INSR: variants seen among roughly 807,000 people sequenced by gnomAD.
INSR encodes insulin receptor.
Under a neutral mutation model 142.6 loss-of-function variants are expected in INSR, and 67 were observed. The observed-to-expected ratio is 0.47, with a 90% CI of 0.39 to 0.58. INSR has a LOEUF of 0.58. Ranked by LOEUF, INSR falls within the 20% of genes least tolerant of loss-of-function variation. INSR has a pLI of 0.00. For missense variants in INSR, 1,248 were observed against 1,833.2 expected, an observed-to-expected ratio of 0.68 and a Z score of 5.83; for synonymous variants, 756 against 743.1, an observed-to-expected ratio of 1.02 and a Z score of -0.28.
rs1440978499 is a variant in INSR at position 7,170,539 on chromosome 19, G to A, written c.1481C>T (p.Ser494Phe). 3 of 1,611,066 alleles carry A rather than the reference G, an allele frequency of 1.9e-6. No homozygotes were observed. Among genetic ancestry groups the A allele is most frequent in the Non-Finnish European group, 2.5e-6 (3 of 1,178,532 alleles). Residue 494 changes from serine to phenylalanine, a missense_variant and splice_region_variant, in exon 6 of 22, where the codon TCC becomes TTC. Around this residue, in one of 3 missense-constraint regions of INSR, gnomAD observed 1,069 missense variants for 1,654.0 expected, o/e 0.65. Transcript: ENST00000302850. ...AAGGTTGGGGACCAGTGACTTACAG[G>A]ATGCCTGGTCCCCATTGGTCTTCAG... The part of the protein sequence containing the change: ...IALKTNGDQA[S>F]CENELLKFSY...
chr19:7,214,235 C>T (rs1049358880), intron 2 of INSR, among the ~76,000 whole-genome samples: 1 of 152,218 alleles, frequency 6.6e-6, no homozygotes, highest in Non-Finnish European at 1.5e-5. Flanking sequence ...GCAATGACCT[C>T]TTTCCTCCCT....
At position 7,287,489 on chromosome 19, in the gene INSR, C is replaced by G. The variant is rs545032565; in HGVS notation, c.100+6303G>C. Among the ~76,000 whole-genome samples, 5 of 151,292 alleles carry G rather than the reference C, an allele frequency of 3.3e-5. No homozygotes were observed. The South Asian group carries it at 1.0e-3, about 32-fold the overall frequency. On this transcript the variant is annotated intron_variant, in intron 1 of 21. Transcript: ENST00000302850. ...GAAGTATTCTTAACAGAAATTAACA[C>G]AAGAGAGGCCTGAGAGAAAAAAAAA...
At chr19:7,153,047 A>ACC (rs1465605398) in intron 9 of INSR, 120 bp from the exon 10 acceptor site, 1 of 345,148 alleles carries the variant, frequency 2.9e-6, no homozygotes, top group African/African-American at 6.4e-5. Flanking sequence ...CACACCACAC[A>ACC]CCCCCCCACA....
intron 2 of INSR, among the ~76,000 whole-genome samples, chr19:7,206,745 C>T (rs535716778): frequency 3.0e-4 from 45 of 151,918 alleles, no homozygotes; most frequent in African/African-American, 1.0e-3. Context: ...AGAGTGAGAC[C>T]CTGTCTCAAC....
chr19:7,158,390 A>G (rs1973663760), intron 9 of INSR, among the ~76,000 whole-genome samples: 1 of 152,054 alleles, frequency 6.6e-6, no homozygotes, highest in African/African-American at 2.4e-5. Context: ...AGTCCCAGCT[A>G]CTCGGGAGGC....
chr19:7,219,487 A>AAGGAAGGAGAGAGGGAG (rs1445884167), intron 2 of INSR, among the ~76,000 whole-genome samples: 1 of 118,158 alleles, frequency 8.5e-6, no homozygotes, highest in Non-Finnish European at 1.7e-5. Context: ...GAGGGAGGGA[A>AAGGAAGGAGAGAGGGAG]GGAAGGAAGG....
At chr19:7,266,321 C>T (rs766578537) in intron 2 of INSR, among the ~76,000 whole-genome samples, 3 of 151,882 alleles carry the variant, frequency 2.0e-5, no homozygotes, top group African/African-American at 4.8e-5. Context: ...AAAGAAACAA[C>T]TGCTAGATAA....
intron 2 of INSR, among the ~76,000 whole-genome samples, chr19:7,253,308 G>A (rs993809524): frequency 6.6e-6 from 1 of 151,702 alleles, no homozygotes; most frequent in African/African-American, 2.4e-5. Flanking sequence ...ACGTGATCTC[G>A]ACTCACTGCA....
chr19:7,282,735 C>T (rs1202549540), intron 1 of INSR, among the ~76,000 whole-genome samples: 2 of 151,150 alleles, frequency 1.3e-5, no homozygotes, highest in Non-Finnish European at 2.9e-5. Context: ...GCCTGTAATC[C>T]CAGCACTTTG....
chr19:7,156,032 G>A (rs1054266889), intron 9 of INSR, among the ~76,000 whole-genome samples: 2 of 143,194 alleles, frequency 1.4e-5, no homozygotes, highest in African/African-American at 5.1e-5. Flanking sequence ...GGAGGGCAGA[G>A]TAGAATGCCA....
chr19:7,173,745 G>T (rs1301401804), intron 4 of INSR, among the ~76,000 whole-genome samples: 2 of 148,138 alleles, frequency 1.4e-5, no homozygotes, highest in Non-Finnish European at 3.0e-5. Flanking sequence ...TCAGCCTCCT[G>T]CGTAGCTGGG....
chr19:7,273,767 T>C (rs771475769), intron 1 of INSR, among the ~76,000 whole-genome samples: 1 of 151,936 alleles, frequency 6.6e-6, no homozygotes, highest in Non-Finnish European at 1.5e-5. Flanking sequence ...TCCGCCCACC[T>C]CGGCCTCCCA....
intron 2 of INSR, among the ~76,000 whole-genome samples, chr19:7,227,429 C>T (rs1600060122): frequency 6.6e-6 from 1 of 152,074 alleles, no homozygotes; most frequent in South Asian, 2.1e-4. Context: ...TGCACTACCA[C>T]ACCTGGTTAA....
chr19:7,119,694 C>A lies in INSR; in HGVS notation c.3660-111G>T, dbSNP rs1972432384. ...CACACACACACGCAAACACACATGC[C>A]AACACATACATGCAAACACACACAT... On this transcript the variant is annotated intron_variant, in intron 20 of 21. Coordinates refer to ENST00000302850, the MANE Select transcript of INSR (RefSeq NM_000208.4). The surrounding 1 kb of genome is among the most constrained non-coding windows in gnomAD (Gnocchi z 5.2). 3.4e-6 allele frequency: 4 copies of A among 1,186,858 alleles called. No homozygotes were observed. The highest frequency in any genetic ancestry group is 2.7e-4 in the Middle Eastern group (1 of 3,666). 73.5% of individuals were successfully genotyped at this position (1,186,858 alleles called of 1,614,324 possible). A position where few individuals can be genotyped will look rare whatever the true frequency, so the allele number is the denominator to read the frequency against.
chr19:7,222,604 G>C (rs902828198), intron 2 of INSR, among the ~76,000 whole-genome samples: 11 of 152,042 alleles, frequency 7.2e-5, no homozygotes, highest in African/African-American at 2.7e-4. Context: ...CATTGCCCAG[G>C]TTGGTCTTGA....
At chr19:7,173,172 A>G (rs1217949751) in intron 4 of INSR, among the ~76,000 whole-genome samples, 2 of 152,234 alleles carry the variant, frequency 1.3e-5, no homozygotes, top group East Asian at 3.8e-4. Flanking sequence ...TTCACAGCAC[A>G]GACCACAACC....
chr19:7,184,213 T>G, intron 3 of INSR, 103 bp downstream of exon 3: 1 of 1,058,172 alleles, frequency 9.5e-7, no homozygotes, highest in East Asian at 2.5e-5. Flanking sequence ...TCATAGCCAA[T>G]TAACCCTGGG....
chr19:7,166,533 A>C lies in INSR; in HGVS notation c.1611-129T>G, dbSNP rs1973894382. On this transcript the variant is annotated intron_variant, in intron 7 of 21. Coordinates refer to ENST00000302850, the MANE Select transcript of INSR (RefSeq NM_000208.4). This position sits in a 1 kb window ranked among gnomAD's most constrained non-coding sequence, Gnocchi z 4.1. ...ACTCACCCAACAATCTAATGCCACA[A>C]GAAAAAATAACTCGGGAACAGCCAA... 3 of 992,704 alleles carry C rather than the reference A, an allele frequency of 3.0e-6. No homozygotes were observed. The highest frequency in any genetic ancestry group is 4.6e-6 in the Non-Finnish European group (3 of 656,102). The allele number at this position is 992,704 out of a possible 1,614,324, so 61.5% of individuals were successfully genotyped here. A position where few individuals can be genotyped will look rare whatever the true frequency, so the allele number is the denominator to read the frequency against.
rs1283724008 is a variant in INSR, at chr19:7,250,392, A to AGGAAGGGAGAG, written c.652+16952_652+16953insCTCTCCCTTCC. ...GGAGGAGGGAGAGAGGAAGGGAGAG[A>AGGAAGGGAGAG]AGGAAGGGAGGTAAGAAATAAAAAG... On this transcript the variant is annotated intron_variant, in intron 2 of 21. Coordinates refer to ENST00000302850, the MANE Select transcript of INSR (RefSeq NM_000208.4). 3.0e-3 allele frequency among the ~76,000 whole-genome samples: 120 copies of AGGAAGGGAGAG among 39,350 alleles called. 3 individuals are homozygous for AGGAAGGGAGAG. In the East Asian group the frequency reaches 0.044, roughly 15 times the overall value. The allele number at this position is 39,350 out of a possible 152,430, so 25.8% of individuals were successfully genotyped here.
Sources: allele counts gnomAD v4.1 joint callset (sites outside exome capture counted in the v4.1 genomes callset), GRCh38; gene constraint gnomAD v4.1.1; regional missense constraint gnomAD v4.1.1; non-coding constraint Gnocchi (gnomAD v3.1); transcripts MANE v1.5; gene names NCBI Gene and HGNC (gene_info 2026-07-23, HGNC 2026-07-21).